The following CENPP variants were observed in gnomAD, a reference collection of about 807,000 sequenced individuals.
CENPP encodes centromere protein P.
In CENPP, 24 loss-of-function variants were observed where a neutral mutation model predicts 35.6. That is an observed-to-expected ratio of 0.67 (90% CI 0.49 to 0.95). The LOEUF (loss-of-function observed/expected upper bound fraction) is 0.95. Ranked by LOEUF, CENPP falls within the 40% of genes least tolerant of loss-of-function variation. CENPP has a pLI of 0.00. For synonymous variants in CENPP, 120 were observed against 125.5 expected, an observed-to-expected ratio of 0.96 and a Z score of 0.29; for missense variants, 332 against 345.3, an observed-to-expected ratio of 0.96 and a Z score of 0.31.
chr9:92,615,937 C>A lies in CENPP; in HGVS notation c.*2788C>A. ...CAGTCTTTGAATAATAGTTGACGAT[C>A]TTGCCGTCCAGTTTATACTGATGGG... On this transcript the variant is annotated 3_prime_UTR_variant, in exon 8 of 8. Transcript: ENST00000375587. The A allele has an allele frequency of 6.2e-7, 1 of 1,614,150 alleles. No individual in the cohort carries two copies. The highest frequency in any genetic ancestry group is 1.7e-5 in the Admixed American group (1 of 60,020).
intron 5 of CENPP, among the ~76,000 whole-genome samples, chr9:92,561,834 C>T (rs1849854488): frequency 6.6e-6 from 1 of 152,168 alleles, no homozygotes; most frequent in African/African-American, 2.4e-5. Context: ...CACCTACTGG[C>T]TGCCAGATGC....
intron 5 of CENPP, among the ~76,000 whole-genome samples, chr9:92,569,581 A>G (rs1016794049): frequency 6.6e-6 from 1 of 152,172 alleles, no homozygotes; most frequent in Non-Finnish European, 1.5e-5. Context: ...TTGGTTCCAT[A>G]TGAACTTTAA....
chr9:92,520,308 G>A (rs539247047), intron 5 of CENPP, among the ~76,000 whole-genome samples: 2 of 152,038 alleles, frequency 1.3e-5, no homozygotes, highest in African/African-American at 2.4e-5. Flanking sequence ...AATAGGCATA[G>A]GGGTTGAATA....
intron 5 of CENPP, chr9:92,415,049 A>T (rs969874900): frequency 1.1e-6 from 1 of 872,674 alleles, no homozygotes. Context: ...ATACTAATAC[A>T]TAATTCTAAA....
chr9:92,589,077 C>T (rs180765861), intron 5 of CENPP, among the ~76,000 whole-genome samples: 1 of 151,976 alleles, frequency 6.6e-6, no homozygotes, highest in East Asian at 1.9e-4. Context: ...CTTGTAATCC[C>T]AACAGTTTGG....
chr9:92,326,139 TGGCCAGGGTTCCCG>T, intron 1 of CENPP, 34 bp downstream of exon 1: 2 of 1,398,774 alleles, frequency 1.4e-6, no homozygotes, highest in Non-Finnish European at 1.9e-6. Context: ...CAGGGCCCGC[TGGCCAGGGTTCCCG>T]GGCCAGGCGG....
chr9:92,337,457 G>A, intron 2 of CENPP, 84 bp from the exon 3 acceptor site: 1 of 785,492 alleles, frequency 1.3e-6, no homozygotes, highest in Non-Finnish European at 2.2e-6. Flanking sequence ...CACATGTATT[G>A]TAGATATTCA....
At chr9:92,399,707 G>C (rs1843030374) in intron 5 of CENPP, among the ~76,000 whole-genome samples, 1 of 152,102 alleles carries the variant, frequency 6.6e-6, no homozygotes, top group Non-Finnish European at 1.5e-5. Context: ...GGACCTAAAT[G>C]TACACCTCTT....
chr9:92,330,093 G>A (rs988381114), intron 1 of CENPP, among the ~76,000 whole-genome samples: 2 of 152,184 alleles, frequency 1.3e-5, no homozygotes, highest in Admixed American at 1.3e-4. Context: ...ATTGGTTAAT[G>A]TAGTAGAATT....
rs187017000 is a variant in CENPP at position 92,570,590 on chromosome 9, A to C, written c.565-40724A>C. 3.0e-3 allele frequency among the ~76,000 whole-genome samples: 457 copies of C among 152,218 alleles called. 2 individuals are homozygous for C. Among genetic ancestry groups the C allele is most frequent in the Non-Finnish European group, 4.6e-3 (314 of 68,006 alleles). ...TTTGGTATCAGGATGATGCTGGCCT[A>C]ATAAAATGAGTTAGGGAGGATTCCC... is the stretch of plus-strand genomic sequence containing the variant. On this transcript the variant is annotated intron_variant, in intron 5 of 7. Coordinates refer to ENST00000375587, the MANE Select transcript of CENPP (RefSeq NM_001012267.3).
intron 5 of CENPP, among the ~76,000 whole-genome samples, chr9:92,449,437 C>CAAAAAAAAAAAAAAAAAAA (rs56218626): frequency 9.1e-5 from 5 of 54,958 alleles, no homozygotes; most frequent in Non-Finnish European, 1.4e-4. Flanking sequence ...ACTCTATCTC[C>CAAAAAAAAAAAAAAAAAAA]AAAAAAAAAA....
intron 5 of CENPP, among the ~76,000 whole-genome samples, chr9:92,524,239 CA>C (rs1241557642): frequency 3.5e-4 from 53 of 152,252 alleles, no homozygotes; most frequent in African/African-American, 1.2e-3. Context: ...CAGTCAATAG[CA>C]TCAGTTATAA....
rs7030225 is a variant in CENPP, at chr9:92,616,422, A to G, written c.*3273A>G. 874 of 188,588 alleles carry G rather than the reference A, an allele frequency of 4.6e-3. 13 individuals are homozygous for G. Among genetic ancestry groups the G allele is most frequent in the African/African-American group, 0.019 (817 of 42,666 alleles). The allele number at this position is 188,588 out of a possible 1,614,324, so 11.7% of individuals were successfully genotyped here. A position where few individuals can be genotyped will look rare whatever the true frequency, so the allele number is the denominator to read the frequency against. On this transcript the variant is annotated 3_prime_UTR_variant, in exon 8 of 8. Transcript: ENST00000375587. ...CATGTGAGCGATGTTCCCCCAGCCC[A>G]GTGGTATAAACGAACGCTGAAAAAT...
intron 5 of CENPP, among the ~76,000 whole-genome samples, chr9:92,492,802 C>G (rs1363851470): frequency 6.6e-6 from 1 of 152,202 alleles, no homozygotes; most frequent in Non-Finnish European, 1.5e-5. Context: ...GAAGTCCAGA[C>G]TCAGCCACAT....
intron 5 of CENPP, among the ~76,000 whole-genome samples, chr9:92,574,751 C>A (rs1850237198): frequency 6.6e-6 from 1 of 152,074 alleles, no homozygotes; most frequent in Admixed American, 6.5e-5. Context: ...CTCAAGGGAC[C>A]CTGAGTAGCC....
chr9:92,389,782 T>C, intron 5 of CENPP: 1 of 999,362 alleles, frequency 1.0e-6, no homozygotes, highest in Admixed American at 2.4e-5. Context: ...AATACAATTC[T>C]AGACCAAAGT....
Position 92,518,019 on chromosome 9 carries a change from C to T in CENPP, c.565-93295C>T, listed in dbSNP as rs1847831395. The T allele has an allele frequency of 3.4e-5, 33 of 965,672 alleles. No individual in the cohort carries two copies. The South Asian group carries it at 5.4e-4, about 16-fold the overall frequency. 59.8% of individuals were successfully genotyped at this position (965,672 alleles called of 1,614,324 possible). On this transcript the variant is annotated intron_variant, in intron 5 of 7. Transcript: ENST00000375587. ...GCATTCATGTATAGGGTAAAGATGT[C>T]GTATAGACATAAGAAATGCTGAAAT...
At chr9:92,530,458 A>G (rs1436931016) in intron 5 of CENPP, among the ~76,000 whole-genome samples, 1 of 152,234 alleles carries the variant, frequency 6.6e-6, no homozygotes, top group Non-Finnish European at 1.5e-5. Flanking sequence ...ATAAAAAGTA[A>G]TTAATATTTT....
intron 5 of CENPP, among the ~76,000 whole-genome samples, chr9:92,521,435 G>T (rs1033019459): frequency 2.0e-4 from 30 of 151,926 alleles, no homozygotes; most frequent in African/African-American, 7.0e-4. Flanking sequence ...TGTAAGTGTG[G>T]CCTAAATTGC....
Sources: gnomAD v4.1 joint callset for allele counts (sites outside exome capture counted in the v4.1 genomes callset) on GRCh38, gnomAD v4.1.1 for gene constraint, MANE v1.5 for transcripts, NCBI Gene and HGNC (gene_info 2026-07-23, HGNC 2026-07-21) for gene names.